The following TTC28 variants were observed in gnomAD, a reference collection of about 807,000 sequenced individuals.
TTC28 encodes the protein tetratricopeptide repeat domain 28, also known as tetratricopeptide repeat protein 28.
Under a neutral mutation model 198.0 loss-of-function variants are expected in TTC28, and 61 were observed. That is an observed-to-expected ratio of 0.31 (90% CI 0.25 to 0.38). The LOEUF (loss-of-function observed/expected upper bound fraction) is 0.38. Among genes scored for constraint, TTC28 ranks in the 10% least tolerant of loss-of-function variants. The pLI is 1.00. For missense variants in TTC28, 2,678 were observed against 3,164.0 expected (o/e 0.85, Z 3.69); for synonymous variants, 1,171 against 1,297.8 (o/e 0.90, Z 2.10).
rs1248316433 is a variant in TTC28, at chr22:27,979,003, A to T, written c.*3218T>A. 6.6e-6 allele frequency: 1 copy of T among 152,252 alleles called. No homozygotes were observed. Among genetic ancestry groups the T allele is most frequent in the Non-Finnish European group, 1.5e-5 (1 of 68,050 alleles). The allele number at this position is 152,252 out of a possible 1,614,324, so 9.4% of individuals were successfully genotyped here. A position where few individuals can be genotyped will look rare whatever the true frequency, so the allele number is the denominator to read the frequency against. ...ATATTACATCCATGGACTCCTCCCA[A>T]GTGGGACAAAGAGCCAAGGGCTATG... On this transcript the variant is annotated 3_prime_UTR_variant, in exon 23 of 23. Coordinates refer to ENST00000397906, the MANE Select transcript of TTC28 (RefSeq NM_001145418.2).
At chr22:28,297,077 A>G (rs1396619982) in intron 4 of TTC28, among the ~76,000 whole-genome samples, 1 of 152,220 alleles carries the variant, frequency 6.6e-6, no homozygotes, top group African/African-American at 2.4e-5. Flanking sequence ...AAATCCCTGA[A>G]GAGGGCAATG....
intron 2 of TTC28, among the ~76,000 whole-genome samples, chr22:28,430,907 G>A (rs2047420515): frequency 6.8e-6 from 1 of 147,734 alleles, no homozygotes; most frequent in Non-Finnish European, 1.5e-5. Flanking sequence ...AAAAAAACAT[G>A]CCCAGAGCTT....
At chr22:28,441,456 G>A (rs960608295) in intron 2 of TTC28, among the ~76,000 whole-genome samples, 1 of 152,054 alleles carries the variant, frequency 6.6e-6, no homozygotes, top group African/African-American at 2.4e-5. Context: ...CAAAGTGAAT[G>A]GAATCAATCT....
At chr22:28,410,901 G>A (rs574070436) in intron 2 of TTC28, among the ~76,000 whole-genome samples, 6 of 152,030 alleles carry the variant, frequency 3.9e-5, no homozygotes, top group African/African-American at 1.2e-4. Context: ...CTTTAATGAT[G>A]TAAAGTTCAA....
chr22:28,095,031 C>T (rs1941931910), intron 11 of TTC28, among the ~76,000 whole-genome samples: 1 of 152,112 alleles, frequency 6.6e-6, no homozygotes, highest in Admixed American at 6.5e-5. Flanking sequence ...GATATACCAC[C>T]TGTCAAATCA....
At chr22:28,536,406 C>T (rs1320451936) in intron 2 of TTC28, among the ~76,000 whole-genome samples, 7 of 151,478 alleles carry the variant, frequency 4.6e-5, no homozygotes, top group African/African-American at 1.5e-4. Flanking sequence ...GGGCGGATCA[C>T]GAGGTCAGGA....
chr22:28,284,141 A>G (rs1347327202), intron 5 of TTC28, among the ~76,000 whole-genome samples: 1 of 152,216 alleles, frequency 6.6e-6, no homozygotes, highest in Non-Finnish European at 1.5e-5. Flanking sequence ...AAAGGCAAGA[A>G]TGATGGCATA....
chr22:28,548,621 G>A (rs1273246628), intron 2 of TTC28, among the ~76,000 whole-genome samples: 1 of 152,232 alleles, frequency 6.6e-6, no homozygotes, highest in Non-Finnish European at 1.5e-5. Flanking sequence ...GTGCCAGGCA[G>A]GCTCCTGGCA....
intron 1 of TTC28, among the ~76,000 whole-genome samples, chr22:28,636,062 T>C (rs994971550): frequency 6.6e-6 from 1 of 151,856 alleles, no homozygotes; most frequent in Non-Finnish European, 1.5e-5. Flanking sequence ...TTTGTCTTTC[T>C]GTGTCTGGCT....
intron 5 of TTC28, among the ~76,000 whole-genome samples, chr22:28,291,185 G>C (rs2044781714): frequency 6.6e-6 from 1 of 151,950 alleles, no homozygotes; most frequent in Admixed American, 6.6e-5. Context: ...TATGGGGCAA[G>C]GGGACAAGAA....
chr22:28,079,600 T>C (rs1350051320), intron 12 of TTC28, among the ~76,000 whole-genome samples: 2 of 152,148 alleles, frequency 1.3e-5, no homozygotes, highest in Non-Finnish European at 2.9e-5. Flanking sequence ...AATAAGCCAA[T>C]CACACACAAA....
intron 2 of TTC28, among the ~76,000 whole-genome samples, chr22:28,418,305 A>G (rs200799547): frequency 1.3e-5 from 2 of 152,346 alleles, no homozygotes; most frequent in East Asian, 3.9e-4. Flanking sequence ...AACAAATCAA[A>G]TATACTGCAC....
rs71316851 is a variant in TTC28 at position 28,636,127 on chromosome 22, A to ATTTTTTTT, written c.103-6305_103-6298dup. ...CATCCATATTGTTGCAAATGTCAGGATTTTTTTTTTTTTTTTTTTTTTTTT... is the reference window on the plus strand; with the variant it reads ...CATCCATATTGTTGCAAATGTCAGGATTTTTTTTTTTTTTTTTTTTTTTTTTTTTTTTT... On this transcript the variant is annotated intron_variant, in intron 1 of 22. Transcript: ENST00000397906. Among the ~76,000 whole-genome samples, 15 of 65,736 alleles carry ATTTTTTTT rather than the reference A, an allele frequency of 2.3e-4. 3 individuals are homozygous for ATTTTTTTT. Among genetic ancestry groups the ATTTTTTTT allele is most frequent in the East Asian group, 2.1e-3 (4 of 1,872 alleles). The allele number at this position is 65,736 out of a possible 152,430, so 43.1% of individuals were successfully genotyped here.
At chr22:28,353,098 G>T (rs932218007) in intron 2 of TTC28, among the ~76,000 whole-genome samples, 16 of 152,076 alleles carry the variant, frequency 1.1e-4, no homozygotes, top group African/African-American at 3.9e-4. Flanking sequence ...CAAAACACAG[G>T]ACAGACAAAG....
At chr22:28,177,908 T>C (rs1248115281) in intron 5 of TTC28, among the ~76,000 whole-genome samples, 1 of 152,156 alleles carries the variant, frequency 6.6e-6, no homozygotes, top group Non-Finnish European at 1.5e-5. Flanking sequence ...CTATTCTGCA[T>C]GATAATACTG....
At chr22:28,105,131 GA>G in intron 8 of TTC28, 147 bp downstream of exon 8, 2 of 794,874 alleles carry the variant, frequency 2.5e-6, no homozygotes, top group Middle Eastern at 2.9e-4. Context: ...CGTGATTCTG[GA>G]GTTGAACTGA....
At chr22:28,150,089 G>A (rs1943571946) in intron 6 of TTC28, among the ~76,000 whole-genome samples, 1 of 152,156 alleles carries the variant, frequency 6.6e-6, no homozygotes, top group Non-Finnish European at 1.5e-5. Flanking sequence ...CTGCCCCAGA[G>A]TGCAATGTGT....
intron 12 of TTC28, among the ~76,000 whole-genome samples, chr22:28,092,070 G>A (rs1180625221): frequency 6.6e-6 from 1 of 152,174 alleles, no homozygotes; most frequent in South Asian, 2.1e-4. Flanking sequence ...GCCTTCCCTT[G>A]TTCAGGTCCC....
At chr22:28,062,928 A>G (rs1338759370) in intron 12 of TTC28, among the ~76,000 whole-genome samples, 1 of 152,178 alleles carries the variant, frequency 6.6e-6, no homozygotes, top group Non-Finnish European at 1.5e-5. Context: ...TTAAAAATGA[A>G]TCACATTTTC....
Sources: gnomAD v4.1 joint callset for allele counts (sites outside exome capture counted in the v4.1 genomes callset) on GRCh38, gnomAD v4.1.1 for gene constraint, MANE v1.5 for transcripts, NCBI Gene and HGNC (gene_info 2026-07-23, HGNC 2026-07-21) for gene names.